The following TNRC6A variants were observed in gnomAD, a reference collection of about 807,000 sequenced individuals.
TNRC6A encodes trinucleotide repeat containing adaptor 6A, also known as trinucleotide repeat-containing gene 6A protein.
A neutral mutation model predicts 221.2 loss-of-function variants in TNRC6A; 44 were observed. The ratio of observed to expected loss-of-function variants is 0.20; its 90% CI spans 0.16 to 0.26. TNRC6A has a LOEUF of 0.26. Among genes scored for constraint, TNRC6A ranks in the 10% least tolerant of loss-of-function variants. The probability of loss-of-function intolerance (pLI) is 1.00; values close to 1 mark genes in which losing one functional copy is unlikely to be tolerated. For synonymous variants in TNRC6A, 847 were observed against 838.5 expected (o/e 1.01, Z -0.18); for missense variants, 2,199 against 2,404.4 (o/e 0.91, Z 1.79).
In TNRC6A at chr16:24,791,383, C is replaced by T. The variant is rs936843532; in HGVS notation, c.2741C>T (p.Ser914Phe). The T allele has an allele frequency of 6.3e-7, 1 of 1,581,032 alleles. No homozygotes were observed. The highest frequency in any genetic ancestry group is 1.2e-5 in the South Asian group (1 of 83,708). ...AATTCATCAGGATGGGATGAATCTT[C>T]TAAACCTACTCCTTCCCAGGGATGG... ...PNNSSGWDES[S>F]KPTPSQGWGD... is the part of the protein sequence containing the mutation. Residue 914 changes from serine (S) to phenylalanine (F), a missense_variant, in exon 6 of 25, where the codon TCT becomes TTT. By Grantham distance (155) the Ser-to-Phe change is radical. Transcript: ENST00000395799.
At chr16:24,670,173 C>T (rs1340393008) in intron 2 of TNRC6A, among the ~76,000 whole-genome samples, 1 of 151,892 alleles carries the variant, frequency 6.6e-6, no homozygotes, top group Non-Finnish European at 1.5e-5. Flanking sequence ...TGGTCTTGAA[C>T]TCCTGAGCTC....
chr16:24,708,990 C>T (rs2056152351), intron 2 of TNRC6A, among the ~76,000 whole-genome samples: 1 of 152,144 alleles, frequency 6.6e-6, no homozygotes, highest in South Asian at 2.1e-4. Context: ...AGCACAGTGG[C>T]TCACGCCTGT....
intron 6 of TNRC6A, among the ~76,000 whole-genome samples, chr16:24,792,408 G>A (rs541341818): frequency 6.6e-6 from 1 of 151,804 alleles, no homozygotes; most frequent in African/African-American, 2.4e-5. Context: ...CATTGTCTTT[G>A]TTAATAAAAG....
chr16:24,657,982 T>A (rs1022932604), intron 2 of TNRC6A, among the ~76,000 whole-genome samples: 7 of 152,306 alleles, frequency 4.6e-5, no homozygotes, highest in African/African-American at 1.7e-4. Flanking sequence ...TGAGTTTTGT[T>A]ATATAGTTGT....
chr16:24,780,090 G>A (rs1482271748), intron 5 of TNRC6A, among the ~76,000 whole-genome samples: 5 of 152,100 alleles, frequency 3.3e-5, no homozygotes, highest in Non-Finnish European at 7.4e-5. Flanking sequence ...GGGATGACTA[G>A]GCTCAACAGG....
At position 24,768,607 on chromosome 16, in the gene TNRC6A, A is replaced by G. The variant is rs990330602; in HGVS notation, c.164-8326A>G. On this transcript the variant is annotated intron_variant, in intron 4 of 24. Coordinates refer to ENST00000395799, the MANE Select transcript of TNRC6A (RefSeq NM_014494.4). ...TTTTTGTTTTCCTATATAACGACACATATAGAAATAGCAATTTTAGGTAAA... is the reference window on the plus strand; with the variant it reads ...TTTTTGTTTTCCTATATAACGACACGTATAGAAATAGCAATTTTAGGTAAA... 5.9e-5 allele frequency among the ~76,000 whole-genome samples: 9 copies of G among 152,280 alleles called. No individual in the cohort carries two copies. The East Asian group carries it at 1.7e-3, about 29-fold the overall frequency.
intron 2 of TNRC6A, among the ~76,000 whole-genome samples, chr16:24,706,204 A>G (rs1458147350): frequency 1.3e-5 from 2 of 152,238 alleles, no homozygotes; most frequent in Non-Finnish European, 2.9e-5. Flanking sequence ...GTAAAGATGC[A>G]CATTCTCCCT....
At chr16:24,784,593 A>T (rs958541493) in intron 5 of TNRC6A, among the ~76,000 whole-genome samples, 30 of 152,228 alleles carry the variant, frequency 2.0e-4, no homozygotes, top group African/African-American at 6.5e-4. Flanking sequence ...AAGTGCTGGG[A>T]TTACAGGCAT....
intron 1 of TNRC6A, among the ~76,000 whole-genome samples, chr16:24,614,792 C>T (rs1215436682): frequency 6.6e-6 from 1 of 152,188 alleles, no homozygotes; most frequent in Non-Finnish European, 1.5e-5. Flanking sequence ...TGCAGTGGAC[C>T]AGCACGGTGG....
rs184496051 is a variant in TNRC6A, at chr16:24,686,808, G to A, written n.402+45799G>A. On this transcript the variant is annotated intron_variant and non_coding_transcript_variant, in intron 2 of 2. Coordinates refer to the TNRC6A transcript ENST00000566108. Reference sequence around the variant, plus strand: ...AGCCCGAGCTCTGCTTTCTGCCTGCGTTTGGATTCCCCTCCTAAACCCCCT... The same window carrying A: ...AGCCCGAGCTCTGCTTTCTGCCTGCATTTGGATTCCCCTCCTAAACCCCCT... 2.6e-3 allele frequency among the ~76,000 whole-genome samples: 394 copies of A among 152,242 alleles called. 2 individuals carry two copies. The highest frequency in any genetic ancestry group is 8.1e-3 in the African/African-American group (337 of 41,544).
At chr16:24,675,858 C>T (rs1345707904) in intron 2 of TNRC6A, among the ~76,000 whole-genome samples, 1 of 150,766 alleles carries the variant, frequency 6.6e-6, no homozygotes. Flanking sequence ...TCCTGGAGAC[C>T]TTTGCTGCTC....
In TNRC6A at chr16:24,791,755, A is replaced by G; in HGVS notation, c.3113A>G (p.Gln1038Arg). The G allele has an allele frequency of 9.4e-6, 15 of 1,603,950 alleles. No individual in the cohort carries two copies. The highest frequency in any genetic ancestry group is 1.7e-4 in the Middle Eastern group (1 of 6,014). ...NGNSRSDQQA[Q>R]VHQLLTPASA... ...AACAGCCGTTCAGACCAGCAAGCAC[A>G]GGTACATCAGCTGCTAACGCCTGCA... Residue 1038 changes from glutamine to arginine, a missense_variant, in exon 6 of 25, where the codon CAG becomes CGG. Physicochemically the swap from Gln to Arg is conservative, Grantham distance 43. Coordinates refer to ENST00000395799, the MANE Select transcript of TNRC6A (RefSeq NM_014494.4).
At chr16:24,710,452 A>G (rs953996218) in intron 2 of TNRC6A, among the ~76,000 whole-genome samples, 3 of 152,114 alleles carry the variant, frequency 2.0e-5, no homozygotes, top group Admixed American at 1.3e-4. Flanking sequence ...TACAAAAAAC[A>G]GAAAAATTGG....
chr16:24,670,447 T>A (rs977734686), intron 2 of TNRC6A, among the ~76,000 whole-genome samples: 5 of 152,148 alleles, frequency 3.3e-5, no homozygotes, highest in African/African-American at 1.2e-4. Flanking sequence ...GTTGCACCTT[T>A]CTGGAGGCTA....
At chr16:24,617,953 T>C (rs1017307830) in intron 1 of TNRC6A, among the ~76,000 whole-genome samples, 3 of 152,238 alleles carry the variant, frequency 2.0e-5, no homozygotes, top group Non-Finnish European at 4.4e-5. Flanking sequence ...CAGGCTGGAA[T>C]GCAGTGGCAT....
chr16:24,820,422 C>T lies in TNRC6A; in HGVS notation c.5302+62C>T, dbSNP rs2058744790. ...TTTGCTAAACGCTAACCAGTACTAA[C>T]AGTCGAGTTTAACAGAGACCTGAAC... On this transcript the variant is annotated intron_variant, in intron 22 of 24. Transcript: ENST00000395799. 1.2e-5 allele frequency: 17 copies of T among 1,476,044 alleles called. No individual in the cohort carries two copies. The Admixed American group carries it at 2.8e-4, about 24-fold the overall frequency. 91.4% of individuals were successfully genotyped at this position (1,476,044 alleles called of 1,614,324 possible). A position where few individuals can be genotyped will look rare whatever the true frequency, so the allele number is the denominator to read the frequency against.
intron 2 of TNRC6A, among the ~76,000 whole-genome samples, chr16:24,641,978 G>A (rs1404890045): frequency 6.6e-6 from 1 of 152,218 alleles, no homozygotes; most frequent in Non-Finnish European, 1.5e-5. Flanking sequence ...ATTAATCAAA[G>A]TAAAAGCTGG....
intron 18 of TNRC6A, among the ~76,000 whole-genome samples, chr16:24,812,697 C>G (rs938230978): frequency 5.3e-5 from 8 of 152,098 alleles, no homozygotes; most frequent in Non-Finnish European, 1.2e-4. Flanking sequence ...GTAGTGGGCT[C>G]TACCATCTAG....
intron 2 of TNRC6A, among the ~76,000 whole-genome samples, chr16:24,649,025 A>G (rs760129652): frequency 1.1e-4 from 16 of 152,066 alleles, no homozygotes; most frequent in Non-Finnish European, 2.2e-4. Flanking sequence ...TCACGGCTGT[A>G]ATCTCAACAC....
Sources: allele counts gnomAD v4.1 joint callset (sites outside exome capture counted in the v4.1 genomes callset), GRCh38; gene constraint gnomAD v4.1.1; transcripts MANE v1.5; gene names NCBI Gene and HGNC (gene_info 2026-07-23, HGNC 2026-07-21).